Variants in ARHGAP32 observed in about 807,000 individuals in gnomAD.
ARHGAP32 encodes the protein Rho GTPase activating protein 32, also known as rho GTPase-activating protein 32.
ARHGAP32 carries 51 observed loss-of-function variants against 186.5 expected under a neutral mutation model. The ratio of observed to expected loss-of-function variants is 0.27; its 90% CI spans 0.22 to 0.35. ARHGAP32 has a LOEUF of 0.35. Among genes scored for constraint, ARHGAP32 ranks in the 10% least tolerant of loss-of-function variants. The pLI is 1.00. For synonymous variants in ARHGAP32, 950 were observed against 964.3 expected (o/e 0.99, Z 0.27); for missense variants, 2,186 against 2,623.5 (o/e 0.83, Z 3.64).
chr11:129,104,106 CA>C (rs1043186731), intron 5 of ARHGAP32, among the ~76,000 whole-genome samples: 2 of 151,456 alleles, frequency 1.3e-5, no homozygotes, highest in African/African-American at 4.8e-5. Context: ...AAATAAGAGC[CA>C]AAAAAAGCAT....
chr11:129,022,394 G>A (rs1938635507), intron 11 of ARHGAP32, among the ~76,000 whole-genome samples: 1 of 152,082 alleles, frequency 6.6e-6, no homozygotes, highest in Admixed American at 6.5e-5. Context: ...TTTGCAGGAA[G>A]TAGAGGGGAA....
In ARHGAP32 at chr11:128,986,020, G is replaced by T. The variant is rs557153725; in HGVS notation, c.1509C>A (p.Leu503=). The change falls in exon 15 of 23, where the codon CTC becomes CTA. Residue 503 remains leucine, a synonymous_variant. Transcript: ENST00000682385. ...LIKIHDVIQQ[L]PPPHYRTLEF... is the part of the protein sequence containing the mutation. Reference sequence around the variant, plus strand: ...TGGCTGACCTGTAGTGTGGTGGGGGGAGCTGCTGGATGACATCGTGGATTT... The same window carrying T: ...TGGCTGACCTGTAGTGTGGTGGGGGTAGCTGCTGGATGACATCGTGGATTT... The T allele has an allele frequency of 2.5e-6, 4 of 1,608,114 alleles. No homozygotes were observed. The African/African-American group carries it at 5.4e-5, about 22-fold the overall frequency.
chr11:129,033,248 G>C (rs1565386361), intron 11 of ARHGAP32, among the ~76,000 whole-genome samples: 1 of 152,176 alleles, frequency 6.6e-6, no homozygotes, highest in Non-Finnish European at 1.5e-5. Flanking sequence ...TTCTATGCAT[G>C]TGTCTTAGTC....
rs997880392 is a variant in ARHGAP32, at chr11:129,011,712, T to C, written c.1046-13244A>G. On this transcript the variant is annotated intron_variant, in intron 11 of 22. Coordinates refer to ENST00000682385, the MANE Select transcript of ARHGAP32 (RefSeq NM_001378024.1). ...AACCCAAAAGAGCATTAATAGGGAA[T>C]TGGTTGAATAAATTATGGTACATCT... Among the ~76,000 whole-genome samples the C allele has an allele frequency of 7.9e-5, 12 of 152,160 alleles. 1 individual carries two copies. Among genetic ancestry groups the C allele is most frequent in the Admixed American group, 6.5e-5 (1 of 15,280 alleles).
In ARHGAP32 at chr11:128,986,990, T is replaced by G. The variant is rs566231785; in HGVS notation, c.1299-322A>C. On this transcript the variant is annotated intron_variant, in intron 13 of 22. Coordinates refer to ENST00000682385, the MANE Select transcript of ARHGAP32 (RefSeq NM_001378024.1). Reference sequence around the variant, plus strand: ...ACAGGACTCCTAATTGCTAATGACTTGAATATCCAATATTTTGGCAATTCC... The same window carrying G: ...ACAGGACTCCTAATTGCTAATGACTGGAATATCCAATATTTTGGCAATTCC... Among the ~76,000 whole-genome samples the G allele has an allele frequency of 1.2e-3, 184 of 152,328 alleles. 2 individuals are homozygous for G. Among genetic ancestry groups the G allele is most frequent in the Middle Eastern group, 3.4e-3 (1 of 294 alleles).
Position 128,965,695 on chromosome 11 carries a change from C to T in ARHGAP32, c.*3212G>A, listed in dbSNP as rs1945207855. 1 of 152,230 alleles carries T rather than the reference C, an allele frequency of 6.6e-6. No homozygotes were observed. The highest frequency in any genetic ancestry group is 2.4e-5 in the African/African-American group (1 of 41,444). 9.4% of individuals were successfully genotyped at this position (152,230 alleles called of 1,614,324 possible). ...ATACTTTTGCTTTCATTATTACTTT[C>T]TTACACATTCTGCTCAAGCAGTACT... On this transcript the variant is annotated 3_prime_UTR_variant, in exon 23 of 23. Transcript: ENST00000682385.
intron 6 of ARHGAP32, among the ~76,000 whole-genome samples, chr11:129,071,407 G>A (rs1258824760): frequency 6.6e-6 from 1 of 151,750 alleles, no homozygotes; most frequent in African/African-American, 2.4e-5. Context: ...GCACTGAACA[G>A]ACATTTCTCA....
rs764944977 is a variant in ARHGAP32 at position 128,974,119 on chromosome 11, G to C, written c.3073+5C>G. The C allele has an allele frequency of 6.2e-7, 1 of 1,612,264 alleles. No homozygotes were observed. The highest frequency in any genetic ancestry group is 2.2e-5 in the East Asian group (1 of 44,866). On this transcript the variant is annotated splice_donor_5th_base_variant and intron_variant, in intron 21 of 22. Coordinates refer to ENST00000682385, the MANE Select transcript of ARHGAP32 (RefSeq NM_001378024.1). Reference sequence around the variant, plus strand: ...AAAGAAAGAATGGAGGAAAACAAACGGTACCTGTCTGAGTCTGTCCAGAAG... The same window carrying C: ...AAAGAAAGAATGGAGGAAAACAAACCGTACCTGTCTGAGTCTGTCCAGAAG...
chr11:129,199,125 A>T (rs1204965962), intron 1 of ARHGAP32, among the ~76,000 whole-genome samples: 1 of 152,256 alleles, frequency 6.6e-6, no homozygotes, highest in African/African-American at 2.4e-5. Flanking sequence ...AAAGCATTCA[A>T]GATGTGACTG....
intron 6 of ARHGAP32, among the ~76,000 whole-genome samples, chr11:129,088,138 T>C (rs1941466057): frequency 6.6e-6 from 1 of 152,212 alleles, no homozygotes; most frequent in Non-Finnish European, 1.5e-5. Context: ...CATCTCCATT[T>C]ATAAAATTAA....
At chr11:129,137,710 T>C (rs1319149635) in intron 2 of ARHGAP32, among the ~76,000 whole-genome samples, 1 of 152,042 alleles carries the variant, frequency 6.6e-6, no homozygotes, top group Non-Finnish European at 1.5e-5. Flanking sequence ...GAAACCCATA[T>C]TCATTTCTTT....
At chr11:129,097,362 A>C (rs1941761475) in intron 5 of ARHGAP32, among the ~76,000 whole-genome samples, 1 of 152,166 alleles carries the variant, frequency 6.6e-6, no homozygotes, top group African/African-American at 2.4e-5. Context: ...ATCTGATAGT[A>C]GGTTTACTAG....
chr11:129,238,776 C>T (rs1944974828), intron 1 of ARHGAP32, among the ~76,000 whole-genome samples: 1 of 137,054 alleles, frequency 7.3e-6, no homozygotes, highest in African/African-American at 2.9e-5. Flanking sequence ...CACACACACA[C>T]ACACACCTCT....
upstream of ARHGAP32, among the ~76,000 whole-genome samples, chr11:129,193,531 A>T (rs1270756406): frequency 7.8e-5 from 5 of 64,056 alleles, no homozygotes; most frequent in African/African-American, 2.5e-4. Context: ...TAGAGCATAT[A>T]ATATATATAT....
chr11:128,969,513 C>T lies in ARHGAP32; in HGVS notation c.5700G>A (p.Arg1900=). 1 of 1,614,164 alleles carries T rather than the reference C, an allele frequency of 6.2e-7. No homozygotes were observed. Among genetic ancestry groups the T allele is most frequent in the Non-Finnish European group, 8.5e-7 (1 of 1,180,030 alleles). Residue 1900 remains arginine (R), a synonymous_variant, in exon 23 of 23, where the codon AGG becomes AGA. Transcript: ENST00000682385. The surrounding 1 kb of genome is among the most constrained non-coding windows in gnomAD (Gnocchi z 4.8). ...GCCCATTCTTTGACTCACAGAACTG[C>T]CTATGGCTTGCTTCTTGGTGTGCCC... The part of the protein sequence containing the change: ...EHRAHQEASH[R]QFCESKNGPP...
In ARHGAP32 at chr11:128,970,209, G is replaced by A. The variant is rs778469606; in HGVS notation, c.5004C>T (p.Ser1668=). ...GACTGTAATAGGAACTAGAAGAACTGGAATATGGGCTATACCTGTAGTGGA... is the reference window on the plus strand; with the variant it reads ...GACTGTAATAGGAACTAGAAGAACTAGAATATGGGCTATACCTGTAGTGGA... The part of the protein sequence containing the change: ...GRVHYRYSPY[S]SSSSSYYSPD... Residue 1668 remains serine (S), a synonymous_variant, in exon 23 of 23, where the codon TCC becomes TCT. Coordinates refer to ENST00000682385, the MANE Select transcript of ARHGAP32 (RefSeq NM_001378024.1). The surrounding 1 kb of genome is among the most constrained non-coding windows in gnomAD (Gnocchi z 5.8). 1.3e-5 allele frequency: 21 copies of A among 1,614,038 alleles called. No individual in the cohort carries two copies. The highest frequency in any genetic ancestry group is 1.8e-5 in the Non-Finnish European group (21 of 1,180,038).
Position 129,064,883 on chromosome 11 carries a change from A to T in ARHGAP32, c.720T>A (p.Ala240=). ...MAYLSRLSAI[A]GNKINCGPAL... is the part of the protein sequence containing the mutation. ...CGGGCCCACAGTTGATCTTGTTGCC[A>T]GCGATAGCTGAAAGGCGTGACAGGT... The change falls in exon 8 of 23, where the codon GCT becomes GCA. Residue 240 remains alanine, a synonymous_variant. Coordinates refer to ENST00000682385, the MANE Select transcript of ARHGAP32 (RefSeq NM_001378024.1). The T allele has an allele frequency of 6.3e-7, 1 of 1,599,964 alleles. No homozygotes were observed. The highest frequency in any genetic ancestry group is 2.3e-5 in the East Asian group (1 of 44,312).
At chr11:129,002,805 AT>A (rs36036048) in intron 11 of ARHGAP32, among the ~76,000 whole-genome samples, 17,231 of 107,494 alleles carry the variant, frequency 0.16, 561 homozygotes, top group Non-Finnish European at 0.18. Context: ...AGGGATGTTG[AT>A]TTTTTTTTTT....
intron 10 of ARHGAP32, among the ~76,000 whole-genome samples, chr11:129,054,318 C>T (rs10893961): frequency 0.19 from 28,331 of 151,964 alleles, 2,811 homozygotes; most frequent in Non-Finnish European, 0.21. Context: ...AATTTCTAAA[C>T]TGTGTCTGAT....
Sources: gnomAD v4.1 joint callset for allele counts (sites outside exome capture counted in the v4.1 genomes callset) on GRCh38, gnomAD v4.1.1 for gene constraint, Gnocchi (gnomAD v3.1) non-coding constraint, MANE v1.5 for transcripts, NCBI Gene and HGNC (gene_info 2026-07-23, HGNC 2026-07-21) for gene names.